ZNF775: variants seen among roughly 807,000 people sequenced by gnomAD.
ZNF775 encodes the protein zinc finger protein 775.
A neutral mutation model predicts 2.4 loss-of-function variants in ZNF775; 1 was observed. That is an observed-to-expected ratio of 0.41 (90% CI 0.15 to 1.94). ZNF775 has a LOEUF of 1.94. Ranked by LOEUF, ZNF775 falls within the 30% of genes most tolerant of loss-of-function variation. The probability of loss-of-function intolerance (pLI) is 0.30; values close to 1 mark genes in which losing one functional copy is unlikely to be tolerated. For missense variants in ZNF775, 823 were observed against 826.6 expected, an observed-to-expected ratio of 1.00 and a Z score of 0.05; for synonymous variants, 381 against 373.3, an observed-to-expected ratio of 1.02 and a Z score of -0.24.
chr7:150,398,161 G>A lies in ZNF775; in HGVS notation c.*66G>A, dbSNP rs976142343. 6.6e-7 allele frequency: 1 copy of A among 1,520,874 alleles called. No homozygotes were observed. Among genetic ancestry groups the A allele is most frequent in the Non-Finnish European group, 8.8e-7 (1 of 1,140,414 alleles). 94.2% of individuals were successfully genotyped at this position (1,520,874 alleles called of 1,614,324 possible). A position where few individuals can be genotyped will look rare whatever the true frequency, so the allele number is the denominator to read the frequency against. On this transcript the variant is annotated 3_prime_UTR_variant, in exon 3 of 3. Coordinates refer to ENST00000329630, the MANE Select transcript of ZNF775 (RefSeq NM_173680.4). ...TTTGCGGGGTGTGTGTGGGGAGTGG[G>A]GGTGGCCAGGATTGCTGGCTCTTAG...
chr7:150,385,413 G>T (rs938474781), intron 1 of ZNF775, among the ~76,000 whole-genome samples: 1 of 152,000 alleles, frequency 6.6e-6, no homozygotes, highest in East Asian at 1.9e-4. Context: ...CTGCAAAGAC[G>T]GGAGCTCTGA....
Position 150,397,664 on chromosome 7 carries a change from G to A in ZNF775, c.1183G>A (p.Val395Ile), listed in dbSNP as rs1800700653. 2.3e-6 allele frequency: 3 copies of A among 1,325,688 alleles called. No homozygotes were observed. The highest frequency in any genetic ancestry group is 2.9e-6 in the Non-Finnish European group (3 of 1,042,968). 82.1% of individuals were successfully genotyped at this position (1,325,688 alleles called of 1,614,324 possible). A position where few individuals can be genotyped will look rare whatever the true frequency, so the allele number is the denominator to read the frequency against. Reference protein sequence around the residue: ...QRAHAVAEPAVPAGEPGDQPQ... With the variant: ...QRAHAVAEPAIPAGEPGDQPQ... ...CGCCCACGCTGTCGCTGAGCCCGCCGTTCCGGCCGGGGAACCGGGCGACCA... is the reference window on the plus strand; with the variant it reads ...CGCCCACGCTGTCGCTGAGCCCGCCATTCCGGCCGGGGAACCGGGCGACCA... Residue 395 changes from valine (V) to isoleucine (I), a missense_variant, in exon 3 of 3, where the codon GTT becomes ATT. Physicochemically the swap from Val to Ile is conservative, Grantham distance 29. Transcript: ENST00000329630.
chr7:150,387,898 T>C (rs2129621007), intron 1 of ZNF775, among the ~76,000 whole-genome samples: 1 of 152,282 alleles, frequency 6.6e-6, no homozygotes. Flanking sequence ...TGGAGATGGC[T>C]GGCCCCGAAG....
chr7:150,398,156 A>C lies in ZNF775; in HGVS notation c.*61A>C, dbSNP rs1800718965. On this transcript the variant is annotated 3_prime_UTR_variant, in exon 3 of 3. Coordinates refer to ENST00000329630, the MANE Select transcript of ZNF775 (RefSeq NM_173680.4). The stretch of plus-strand genomic sequence containing the variant: ...GGATGTTTGCGGGGTGTGTGTGGGG[A>C]GTGGGGGTGGCCAGGATTGCTGGCT... 1.3e-5 allele frequency: 20 copies of C among 1,521,922 alleles called. No individual in the cohort carries two copies. The highest frequency in any genetic ancestry group is 1.7e-5 in the Non-Finnish European group (19 of 1,140,864). 94.3% of individuals were successfully genotyped at this position (1,521,922 alleles called of 1,614,324 possible). A position where few individuals can be genotyped will look rare whatever the true frequency, so the allele number is the denominator to read the frequency against.
At chr7:150,381,878 G>A (rs1800368330) in intron 1 of ZNF775, among the ~76,000 whole-genome samples, 1 of 152,066 alleles carries the variant, frequency 6.6e-6, no homozygotes, top group Non-Finnish European at 1.5e-5. Context: ...AAGGGTCAGG[G>A]CTGGGAGAGT....
Position 150,398,297 on chromosome 7 carries a change from A to C in ZNF775, c.*202A>C. 1.1e-6 allele frequency: 1 copy of C among 887,184 alleles called. No homozygotes were observed. The highest frequency in any genetic ancestry group is 1.6e-6 in the Non-Finnish European group (1 of 611,550). 55.0% of individuals were successfully genotyped at this position (887,184 alleles called of 1,614,324 possible). On this transcript the variant is annotated 3_prime_UTR_variant, in exon 3 of 3. Coordinates refer to ENST00000329630, the MANE Select transcript of ZNF775 (RefSeq NM_173680.4). ...AGGTCCCAGCGTGGGTTGAGGGAGG[A>C]GGGAAGATCCGAGTTCCTCACCGCG...
chr7:150,385,520 G>T (rs111592977), intron 1 of ZNF775, among the ~76,000 whole-genome samples: 1 of 57,976 alleles, frequency 1.7e-5, no homozygotes, highest in African/African-American at 6.7e-5. Context: ...GCAATACCCC[G>T]AATGACTGCA....
At chr7:150,389,886 TGTGTGTGTGTGTGTGTGTGTGTGTGTGTG>T (rs1264534455) in intron 2 of ZNF775, among the ~76,000 whole-genome samples, 1,055 of 26,562 alleles carry the variant, frequency 0.04, 21 homozygotes, top group African/African-American at 0.11. Context: ...TGTGTGTGTG[TGTGTGTGTGTGTGTGTGTGTGTGTGTGTG>T]TGTGTTATGG....
At position 150,398,048 on chromosome 7, in the gene ZNF775, G is replaced by T. The variant is rs764920553; in HGVS notation, c.1567G>T (p.Val523Leu). The part of the protein sequence containing the change: ...QKQHLLKHQR[V>L]HRAAPACSPK... ...GCAGCACCTGCTCAAGCACCAGCGC[G>T]TGCACCGCGCGGCCCCTGCGTGCAG... The change falls in exon 3 of 3, where the codon GTG becomes TTG. Residue 523 changes from valine to leucine, a missense_variant. By Grantham distance (32) the Val-to-Leu change is conservative. Transcript: ENST00000329630. 7 of 1,570,170 alleles carry T rather than the reference G, an allele frequency of 4.5e-6. No individual in the cohort carries two copies. Among genetic ancestry groups the T allele is most frequent in the Non-Finnish European group, 6.0e-6 (7 of 1,163,100 alleles).
At chr7:150,389,863 G>A in intron 2 of ZNF775, among the ~76,000 whole-genome samples, 1 of 2,054 alleles carries the variant, frequency 4.9e-4, no homozygotes, top group Non-Finnish European at 9.6e-4. Flanking sequence ...TTTTATTTGT[G>A]TGTGTGTGTG....
At chr7:150,385,617 T>TA (rs1307967832) in intron 1 of ZNF775, among the ~76,000 whole-genome samples, 1 of 152,180 alleles carries the variant, frequency 6.6e-6, no homozygotes, top group Non-Finnish European at 1.5e-5. Context: ...TGCAGCCCGT[T>TA]ACAGACATGT....
Position 150,397,746 on chromosome 7 carries a change from C to A in ZNF775, c.1265C>A (p.Ser422Tyr), listed in dbSNP as rs566052247. 3.1e-5 allele frequency: 46 copies of A among 1,478,130 alleles called. No homozygotes were observed. The African/African-American group carries it at 5.8e-4, about 18-fold the overall frequency. The allele number at this position is 1,478,130 out of a possible 1,614,324, so 91.6% of individuals were successfully genotyped here. The change falls in exon 3 of 3, where the codon TCC becomes TAC. Residue 422 changes from serine (S) to tyrosine (Y), a missense_variant. By Grantham distance (144) the Ser-to-Tyr change is moderately radical. Coordinates refer to ENST00000329630, the MANE Select transcript of ZNF775 (RefSeq NM_173680.4). ...LAARPRSSQR[S>Y]PGARDTLWGR... ...GCGAGGCCGCGGAGCTCCCAACGGT[C>A]CCCGGGGGCCCGGGACACGCTGTGG...
chr7:150,381,926 G>C (rs141782692), intron 1 of ZNF775, among the ~76,000 whole-genome samples: 5 of 151,762 alleles, frequency 3.3e-5, no homozygotes, highest in Admixed American at 2.6e-4. Flanking sequence ...AGTGGGATCC[G>C]GGAAGTTGGA....
chr7:150,398,385 T>C lies in ZNF775; in HGVS notation c.*290T>C. ...CAGGCTTCAAGCACCGAGTGAGGGG[T>C]CTGTTGGGGACGCTGGGAGAGTCTC... On this transcript the variant is annotated 3_prime_UTR_variant, in exon 3 of 3. Transcript: ENST00000329630. 2.0e-6 allele frequency: 1 copy of C among 509,442 alleles called. No homozygotes were observed. The highest frequency in any genetic ancestry group is 3.4e-6 in the Non-Finnish European group (1 of 290,304). 31.6% of individuals were successfully genotyped at this position (509,442 alleles called of 1,614,324 possible). A position where few individuals can be genotyped will look rare whatever the true frequency, so the allele number is the denominator to read the frequency against.
intron 1 of ZNF775, among the ~76,000 whole-genome samples, chr7:150,381,580 G>C (rs888426138): frequency 2.6e-5 from 3 of 113,882 alleles, no homozygotes; most frequent in African/African-American, 1.0e-4. Flanking sequence ...CGCCCCACTT[G>C]ATATAACAAT....
chr7:150,386,132 C>G (rs1381424051), intron 1 of ZNF775, among the ~76,000 whole-genome samples: 1 of 152,146 alleles, frequency 6.6e-6, no homozygotes, highest in Non-Finnish European at 1.5e-5. Context: ...GACGGGGTTT[C>G]CCCACGTCGG....
chr7:150,390,254 A>T (rs1800539629), intron 2 of ZNF775, among the ~76,000 whole-genome samples: 2 of 151,630 alleles, frequency 1.3e-5, no homozygotes, highest in African/African-American at 4.9e-5. Context: ...GCCCCAGCAC[A>T]CTCCACCTCA....
rs1214318285 is a variant in ZNF775, at chr7:150,396,903, G to T, written c.422G>T (p.Gly141Val). 6.2e-7 allele frequency: 1 copy of T among 1,602,458 alleles called. No individual in the cohort carries two copies. Among genetic ancestry groups the T allele is most frequent in the Non-Finnish European group, 8.5e-7 (1 of 1,179,724 alleles). Residue 141 changes from glycine to valine, a missense_variant, in exon 3 of 3, where the codon GGC becomes GTC. By Grantham distance (109) the Gly-to-Val change is moderately radical (BLOSUM62 -3). Coordinates refer to ENST00000329630, the MANE Select transcript of ZNF775 (RefSeq NM_173680.4). ...AAGCCGTACCTCTGCGGCAAGTGCG[G>T]CAAGAGCTTCAGCCAGAAGCCGAAC... ...GEKPYLCGKC[G>V]KSFSQKPNLA...
rs917049163 is a variant in ZNF775 at position 150,397,561 on chromosome 7, G to A, written c.1080G>A (p.Leu360=). ...QHLLKHLRTH[L]PGAQAAPCPS... is the part of the protein sequence containing the mutation. ...TGCTCAAGCACCTGCGCACGCACCTGCCCGGCGCCCAGGCTGCGCCCTGCC... is the reference window on the plus strand; with the variant it reads ...TGCTCAAGCACCTGCGCACGCACCTACCCGGCGCCCAGGCTGCGCCCTGCC... Residue 360 remains leucine, a synonymous_variant, in exon 3 of 3, where the codon CTG becomes CTA. Coordinates refer to ENST00000329630, the MANE Select transcript of ZNF775 (RefSeq NM_173680.4). The A allele has an allele frequency of 4.0e-6, 6 of 1,516,760 alleles. No individual in the cohort carries two copies. In the African/African-American group the frequency reaches 7.2e-5, roughly 18 times the overall value. The allele number at this position is 1,516,760 out of a possible 1,614,324, so 94.0% of individuals were successfully genotyped here.
Sources: gnomAD v4.1 joint callset for allele counts (sites outside exome capture counted in the v4.1 genomes callset) on GRCh38, gnomAD v4.1.1 for gene constraint, MANE v1.5 for transcripts, NCBI Gene and HGNC (gene_info 2026-07-23, HGNC 2026-07-21) for gene names.